RFC3: variants seen among roughly 807,000 people sequenced by gnomAD.
RFC3 encodes the protein A1 38 kDa subunit.
A neutral mutation model predicts 45.1 loss-of-function variants in RFC3; 41 were observed. The ratio of observed to expected loss-of-function variants is 0.91; its 90% confidence interval spans 0.71 to 1.18. The LOEUF (loss-of-function observed/expected upper bound fraction) is 1.18, where lower values mean the gene tolerates loss of function less well. Among genes scored for constraint, RFC3 ranks in the 50% most tolerant of loss-of-function variants. The pLI is 0.00. For synonymous variants in RFC3, 149 were observed against 144.0 expected (o/e 1.03, Z -0.25); for missense variants, 423 against 428.1 (o/e 0.99, Z 0.10).
At chr13:33,835,281 A>T in intron 8 of RFC3, 64 bp downstream of exon 8, 1 of 997,878 alleles carries the variant, frequency 1.0e-6, no homozygotes, top group East Asian at 2.4e-5. Flanking sequence ...GTGTGTGATC[A>T]TAGGGCTTTT....
intron 8 of RFC3, among the ~76,000 whole-genome samples, chr13:33,915,788 T>G (rs2082729107): frequency 6.9e-6 from 1 of 145,780 alleles, no homozygotes; most frequent in African/African-American, 2.7e-5. Context: ...ATAATTATAT[T>G]TCTATATTTC....
At chr13:33,847,969 G>A (rs1168812691) in intron 8 of RFC3, 1 of 152,156 alleles carries the variant, frequency 6.6e-6, no homozygotes, top group Non-Finnish European at 1.5e-5. Flanking sequence ...GTGGAATATA[G>A]CTTTATTCTC....
chr13:33,923,882 T>G (rs539120920), intron 8 of RFC3, among the ~76,000 whole-genome samples: 1 of 152,162 alleles, frequency 6.6e-6, no homozygotes, highest in Non-Finnish European at 1.5e-5. Context: ...TGGTACACAT[T>G]AGGAAAAGTA....
chr13:33,889,811 A>T (rs1050360274), intron 8 of RFC3, among the ~76,000 whole-genome samples: 1 of 152,190 alleles, frequency 6.6e-6, no homozygotes, highest in Non-Finnish European at 1.5e-5. Context: ...ACCATGCAGT[A>T]TTTGTCTGCC....
intron 8 of RFC3, among the ~76,000 whole-genome samples, chr13:33,864,758 A>C (rs752423851): frequency 9.9e-5 from 15 of 152,128 alleles, no homozygotes; most frequent in Non-Finnish European, 2.2e-4. Context: ...AATAAATGGT[A>C]TAGATTTTAG....
intron 8 of RFC3, among the ~76,000 whole-genome samples, chr13:33,951,738 A>G (rs2082992840): frequency 6.6e-6 from 1 of 152,220 alleles, no homozygotes; most frequent in African/African-American, 2.4e-5. Context: ...CAGGTGTTTA[A>G]TATAATAACA....
downstream of RFC3, among the ~76,000 whole-genome samples, chr13:33,841,152 CT>C (rs1279554980): frequency 6.6e-6 from 1 of 152,196 alleles, no homozygotes; most frequent in African/African-American, 2.4e-5. Flanking sequence ...TTGTGTACTC[CT>C]TATGAGACTC....
chr13:33,971,071 A>C (rs1459725341), downstream of RFC3, among the ~76,000 whole-genome samples: 1 of 152,264 alleles, frequency 6.6e-6, no homozygotes, highest in Non-Finnish European at 1.5e-5. Context: ...AGAATAGAAC[A>C]GAGAAAATAT....
chr13:33,955,777 G>C (rs1330901595), intron 8 of RFC3, among the ~76,000 whole-genome samples: 2 of 152,102 alleles, frequency 1.3e-5, no homozygotes, highest in Non-Finnish European at 2.9e-5. Context: ...CATGATGCTG[G>C]GCTAAACCAG....
chr13:33,820,915 A>T (rs201002749), intron 1 of RFC3, among the ~76,000 whole-genome samples: 142 of 2,434 alleles, frequency 0.058, no homozygotes, highest in African/African-American at 0.069. Flanking sequence ...ATATATATTT[A>T]TATATATATA....
intron 8 of RFC3, among the ~76,000 whole-genome samples, chr13:33,899,946 A>G (rs907673568): frequency 6.6e-6 from 1 of 152,008 alleles, no homozygotes; most frequent in Admixed American, 6.6e-5. Context: ...CAAAGAATAT[A>G]AAACACCTAG....
At chr13:33,944,743 GCCCCACC>G (rs958151995) in intron 8 of RFC3, among the ~76,000 whole-genome samples, 4 of 151,992 alleles carry the variant, frequency 2.6e-5, no homozygotes, top group African/African-American at 9.7e-5. Flanking sequence ...GAATTGTATT[GCCCCACC>G]CACACGCACA....
intron 8 of RFC3, among the ~76,000 whole-genome samples, chr13:33,886,076 C>T (rs768247597): frequency 6.6e-6 from 1 of 151,976 alleles, no homozygotes; most frequent in African/African-American, 2.4e-5. Context: ...GCCTGACTCT[C>T]TTCTTGTAAT....
intron 8 of RFC3, among the ~76,000 whole-genome samples, chr13:33,862,804 G>A (rs2082349591): frequency 6.6e-6 from 1 of 152,094 alleles, no homozygotes. Context: ...ATTATACAAG[G>A]AGAAGGAAAA....
chr13:33,826,347 A>G (rs953525725), intron 4 of RFC3, among the ~76,000 whole-genome samples: 1 of 152,148 alleles, frequency 6.6e-6, no homozygotes, highest in African/African-American at 2.4e-5. Flanking sequence ...CAAATTCTCT[A>G]TCTGAAAGAG....
At chr13:33,869,914 G>A (rs1305702670) in intron 8 of RFC3, among the ~76,000 whole-genome samples, 3 of 152,138 alleles carry the variant, frequency 2.0e-5, no homozygotes, top group Non-Finnish European at 2.9e-5. Flanking sequence ...GATGGTCAGC[G>A]TAAAAAACCT....
Position 33,886,461 on chromosome 13 carries a change from G to A in RFC3, c.879+51244G>A, listed in dbSNP as rs531531077. Among the ~76,000 whole-genome samples the A allele has an allele frequency of 1.7e-4, 26 of 150,990 alleles. No individual in the cohort carries two copies. In the Middle Eastern group the frequency reaches 0.01, roughly 59 times the overall value. On this transcript the variant is annotated intron_variant, in intron 8 of 8. Transcript: ENST00000434425. Reference sequence around the variant, plus strand: ...CTCGGGAGGCCAAGGCAGGAGAATCGCTTGAACCTGGGAGGCGGAGGTTGC... The same window carrying A: ...CTCGGGAGGCCAAGGCAGGAGAATCACTTGAACCTGGGAGGCGGAGGTTGC...
At chr13:33,919,881 T>C (rs552238992) in intron 8 of RFC3, among the ~76,000 whole-genome samples, 1 of 152,246 alleles carries the variant, frequency 6.6e-6, no homozygotes, top group South Asian at 2.1e-4. Context: ...TTATTAATTG[T>C]GCATACTTAA....
At chr13:33,893,340 A>G (rs750423594) in intron 8 of RFC3, among the ~76,000 whole-genome samples, 4 of 152,186 alleles carry the variant, frequency 2.6e-5, no homozygotes, top group Non-Finnish European at 5.9e-5. Context: ...CAAGAGCCAA[A>G]AAGGAGGCAA....
Sources: gnomAD v4.1 joint callset for allele counts (sites outside exome capture counted in the v4.1 genomes callset) on GRCh38, gnomAD v4.1.1 for gene constraint, MANE v1.5 for transcripts, NCBI Gene and HGNC (gene_info 2026-07-23, HGNC 2026-07-21) for gene names.